Variants in TBC1D5 observed in about 807,000 individuals in gnomAD.
TBC1D5 encodes TBC1 domain family, member 5.
In TBC1D5, 75 loss-of-function variants were observed where a neutral mutation model predicts 100.3. The observed-to-expected ratio is 0.75, with a 90% confidence interval of 0.62 to 0.91. The LOEUF is 0.91. Ranked by LOEUF, TBC1D5 falls within the 40% of genes least tolerant of loss-of-function variation. The pLI, the probability that TBC1D5 is intolerant of heterozygous loss-of-function variation, is 0.00. For missense variants in TBC1D5, 910 were observed against 942.4 expected, an observed-to-expected ratio of 0.97 and a Z score of 0.45; for synonymous variants, 323 against 325.6, an observed-to-expected ratio of 0.99 and a Z score of 0.09.
At chr3:17,714,832 T>C (rs2075084481) in intron 1 of TBC1D5, among the ~76,000 whole-genome samples, 1 of 152,122 alleles carries the variant, frequency 6.6e-6, no homozygotes, top group Non-Finnish European at 1.5e-5. Context: ...TGTTACAACC[T>C]GACTCAAGAA....
intron 13 of TBC1D5, among the ~76,000 whole-genome samples, chr3:17,357,422 GA>G (rs1283075364): frequency 6.6e-6 from 1 of 152,128 alleles, no homozygotes; most frequent in Non-Finnish European, 1.5e-5. Flanking sequence ...GAGTGGGAGT[GA>G]AAAGTCAAAA....
At chr3:17,411,782 T>G (rs2093932052) in intron 4 of TBC1D5, among the ~76,000 whole-genome samples, 1 of 152,176 alleles carries the variant, frequency 6.6e-6, no homozygotes, top group Non-Finnish European at 1.5e-5. Context: ...GTACCTTGAT[T>G]ACGGTGTTGG....
chr3:17,193,865 T>C (rs930493738), intron 18 of TBC1D5, among the ~76,000 whole-genome samples: 5 of 152,252 alleles, frequency 3.3e-5, no homozygotes, highest in Non-Finnish European at 5.9e-5. Context: ...AGGTGTTCTA[T>C]AACTATTAGC....
At chr3:17,693,337 G>A (rs2071456091) in intron 1 of TBC1D5, among the ~76,000 whole-genome samples, 1 of 152,230 alleles carries the variant, frequency 6.6e-6, no homozygotes, top group African/African-American at 2.4e-5. Flanking sequence ...GCCAAGGGAA[G>A]CCGTGACAGA....
intron 1 of TBC1D5, among the ~76,000 whole-genome samples, chr3:17,653,549 T>C (rs915675569): frequency 2.6e-5 from 4 of 152,026 alleles, no homozygotes; most frequent in Admixed American, 2.6e-4. Flanking sequence ...AGACAAGGAA[T>C]GACTAAAGAA....
intron 17 of TBC1D5, among the ~76,000 whole-genome samples, chr3:17,228,214 T>C (rs539791966): frequency 2.0e-5 from 3 of 152,242 alleles, no homozygotes; most frequent in African/African-American, 7.2e-5. Flanking sequence ...AGCCACTATC[T>C]GGTGGGTCAG....
At chr3:17,561,814 G>C (rs140466184) in intron 2 of TBC1D5, among the ~76,000 whole-genome samples, 12 of 152,228 alleles carry the variant, frequency 7.9e-5, no homozygotes, top group African/African-American at 1.9e-4. Flanking sequence ...ATGACAAAGA[G>C]AGCACAAGAG....
intron 18 of TBC1D5, among the ~76,000 whole-genome samples, chr3:17,212,792 T>G (rs1161257456): frequency 1.3e-5 from 2 of 152,224 alleles, no homozygotes. Flanking sequence ...AAAGCATTTT[T>G]GTACATCTAT....
intron 1 of TBC1D5, among the ~76,000 whole-genome samples, chr3:17,712,643 C>A (rs2074852412): frequency 6.6e-6 from 1 of 152,200 alleles, no homozygotes; most frequent in Non-Finnish European, 1.5e-5. Context: ...GTCCCACTTA[C>A]ATAGCTGCAA....
intron 17 of TBC1D5, among the ~76,000 whole-genome samples, chr3:17,236,382 T>C (rs1338945782): frequency 6.6e-6 from 1 of 152,176 alleles, no homozygotes; most frequent in Non-Finnish European, 1.5e-5. Flanking sequence ...TGGGTATATC[T>C]CCTGGCATTA....
At chr3:17,667,254 C>T (rs909581913) in intron 1 of TBC1D5, among the ~76,000 whole-genome samples, 5 of 152,058 alleles carry the variant, frequency 3.3e-5, no homozygotes, top group Admixed American at 2.0e-4. Context: ...AGCAACTGAA[C>T]TAACCAAATG....
chr3:17,606,920 A>G (rs1271319798), intron 2 of TBC1D5, among the ~76,000 whole-genome samples: 2 of 152,198 alleles, frequency 1.3e-5, no homozygotes, highest in Non-Finnish European at 1.5e-5. Flanking sequence ...CAACATAATG[A>G]GAGGAAAAAA....
chr3:17,560,088 A>G (rs2096548817), intron 2 of TBC1D5, among the ~76,000 whole-genome samples: 1 of 152,214 alleles, frequency 6.6e-6, no homozygotes. Context: ...GAGAAAATAC[A>G]ATGGCACCTA....
intron 1 of TBC1D5, chr3:17,739,271 T>C (rs986606127): frequency 6.6e-6 from 1 of 152,314 alleles, no homozygotes; most frequent in African/African-American, 2.4e-5. Flanking sequence ...TTCAGTGGTC[T>C]GAGACAAAAA....
intron 18 of TBC1D5, among the ~76,000 whole-genome samples, chr3:17,193,290 G>A (rs1453032750): frequency 2.0e-5 from 3 of 152,106 alleles, no homozygotes; most frequent in African/African-American, 7.2e-5. Flanking sequence ...TCAAGTATAG[G>A]GAGAAACCTT....
chr3:17,640,412 T>C (rs1353670422), intron 1 of TBC1D5, among the ~76,000 whole-genome samples: 1 of 152,128 alleles, frequency 6.6e-6, no homozygotes, highest in Admixed American at 6.6e-5. Context: ...TTATTTTAAT[T>C]ATGATAGGGA....
intron 15 of TBC1D5, among the ~76,000 whole-genome samples, chr3:17,274,012 T>TC (rs776934597): frequency 1.4e-5 from 2 of 139,588 alleles, no homozygotes; most frequent in Admixed American, 7.2e-5. Flanking sequence ...TGTATTTAAT[T>TC]AAAAAAAAAA....
intron 1 of TBC1D5, among the ~76,000 whole-genome samples, chr3:17,680,113 TTTTAA>T (rs959649365): frequency 1.3e-5 from 2 of 151,540 alleles, no homozygotes; most frequent in African/African-American, 2.4e-5. Flanking sequence ...ATACTAAAAG[TTTTAA>T]TTTATCAATT....
At chr3:17,637,049 TGTCACTCTGTC>T (rs1048340726) in intron 1 of TBC1D5, among the ~76,000 whole-genome samples, 5 of 147,324 alleles carry the variant, frequency 3.4e-5, no homozygotes, top group African/African-American at 1.0e-4. Context: ...TGAGACGGAG[TGTCACTCTGTC>T]GCCCAGGCTG....
Sources: allele counts gnomAD v4.1 joint callset (sites outside exome capture counted in the v4.1 genomes callset), GRCh38; gene constraint gnomAD v4.1.1; transcripts MANE v1.5; gene names NCBI Gene and HGNC (gene_info 2026-07-23, HGNC 2026-07-21).